Variants in SOHLH1 observed in about 807,000 individuals in gnomAD.
The protein encoded by SOHLH1 is spermatogenesis- and oogenesis-specific basic helix-loop-helix-containing protein 1.
In SOHLH1, 23 loss-of-function variants were observed where a neutral mutation model predicts 36.2. That is an observed-to-expected ratio of 0.64 (90% CI 0.46 to 0.90). The LOEUF (loss-of-function observed/expected upper bound fraction) is 0.90, where lower values mean the gene tolerates loss of function less well. SOHLH1 is among the 40% of genes least tolerant of loss of function. The pLI, the probability that SOHLH1 is intolerant of heterozygous loss-of-function variation, is 0.00. For synonymous variants in SOHLH1, 289 were observed against 228.3 expected (o/e 1.27, Z -2.40); for missense variants, 608 against 517.0 (o/e 1.18, Z -1.71).
At chr9:135,699,490 C>T, upstream of SOHLH1, 1 of 1,608,110 alleles carries the variant, frequency 6.2e-7, no homozygotes, top group East Asian at 2.2e-5. Context: ...GCGGAGCGAC[C>T]CCACGCGCAC....
At position 135,699,413 on chromosome 9, in the gene SOHLH1, T is replaced by C. The variant is rs1564302011; in HGVS notation, c.55A>G (p.Arg19Gly). 1 of 1,611,862 alleles carries C rather than the reference T, an allele frequency of 6.2e-7. No individual in the cohort carries two copies. Among genetic ancestry groups the C allele is most frequent in the Non-Finnish European group, 8.5e-7 (1 of 1,179,664 alleles). The stretch of plus-strand genomic sequence containing the variant: ...AGCCCAATTCCTCACTTGCATCCCC[T>C]GACGGTAGGGATTCTGGAGACCTCC... ...YPEVSRIPTV[R>G]GCNGSLSGAL... Residue 19 changes from arginine to glycine, a missense_variant, in exon 1 of 8, where the codon AGG becomes GGG. Arg to Gly is a moderately radical substitution (Grantham distance 125). Transcript: ENST00000425225.
At chr9:135,697,390 G>A (rs944773048) in intron 4 of SOHLH1, 116 bp downstream of exon 4, 2 of 1,475,152 alleles carry the variant, frequency 1.4e-6, no homozygotes, top group Admixed American at 1.8e-5. Context: ...GTCACCACCT[G>A]CGGAGGCCAA....
At position 135,698,398 on chromosome 9, in the gene SOHLH1, C is replaced by T. The variant is rs148858757; in HGVS notation, c.276G>A (p.Ser92=). The change falls in exon 3 of 8, where the codon TCG becomes TCA. Residue 92 remains serine, a synonymous_variant. Coordinates refer to ENST00000425225, the MANE Select transcript of SOHLH1 (RefSeq NM_001101677.2). ...QFDGRREDMA[S]VLEMSVQFLR... ...GGAACTGCACAGACATCTCCAGGAC[C>T]GAGGCCATGTCCTCCCGCCGGCCAT... The T allele has an allele frequency of 3.7e-6, 6 of 1,613,006 alleles. No homozygotes were observed. The African/African-American group carries it at 5.3e-5, about 14-fold the overall frequency.
At chr9:135,694,487 C>T (rs779902768) in intron 6 of SOHLH1, 30 bp from the exon 7 acceptor site, 15 of 1,610,692 alleles carry the variant, frequency 9.3e-6, no homozygotes, top group Non-Finnish European at 1.2e-5. Context: ...CCTCAGTGGC[C>T]ACAAGCGGAC....
chr9:135,697,335 G>C (rs910941636), intron 4 of SOHLH1, among the ~76,000 whole-genome samples, 171 bp downstream of exon 4: 3 of 152,110 alleles, frequency 2.0e-5, no homozygotes, highest in African/African-American at 7.2e-5. Context: ...CGCCCATGTT[G>C]GTCACCTCAC....
chr9:135,697,368 G>A, intron 4 of SOHLH1, 138 bp downstream of exon 4: 2 of 1,296,456 alleles, frequency 1.5e-6, no homozygotes, highest in Non-Finnish European at 2.1e-6. Flanking sequence ...GAGTTGGCAG[G>A]GCCCTGGGCA....
At chr9:135,701,596 C>G (rs368621625), upstream of SOHLH1, among the ~76,000 whole-genome samples, 2 of 152,218 alleles carry the variant, frequency 1.3e-5, no homozygotes, top group Admixed American at 6.5e-5. Flanking sequence ...CCCCACCCGT[C>G]TAAAGGTGCT....
intron 3 of SOHLH1, among the ~76,000 whole-genome samples, chr9:135,697,911 T>G (rs503539): frequency 0.85 from 128,687 of 151,736 alleles, 55,704 homozygotes; most frequent in East Asian, 0.98. Context: ...ACACAGGTCC[T>G]CAGCCCCAGC....
At chr9:135,699,510 C>G (rs773846580), upstream of SOHLH1, 4 of 1,592,374 alleles carry the variant, frequency 2.5e-6, no homozygotes, top group African/African-American at 4.0e-5. Context: ...CGGCCCCTTC[C>G]GCAGGCAGCC....
chr9:135,700,910 C>G (rs533609835), upstream of SOHLH1, among the ~76,000 whole-genome samples: 1 of 152,248 alleles, frequency 6.6e-6, no homozygotes, highest in East Asian at 1.9e-4. Context: ...TTTTGTTTCC[C>G]TAAAGCCCTC....
rs1365382952 is a variant in SOHLH1 at position 135,698,989 on chromosome 9, A to G, written c.197+6T>C. ...GCCCTCACCCCTGGGAGGCACCACCACTCACCTGCGCTCCCTCTCGCTGAT... is the reference window on the plus strand; with the variant it reads ...GCCCTCACCCCTGGGAGGCACCACCGCTCACCTGCGCTCCCTCTCGCTGAT... On this transcript the variant is annotated splice_donor_region_variant and intron_variant, in intron 2 of 7. Coordinates refer to ENST00000425225, the MANE Select transcript of SOHLH1 (RefSeq NM_001101677.2). The G allele has an allele frequency of 6.2e-7, 1 of 1,610,712 alleles. No individual in the cohort carries two copies. The highest frequency in any genetic ancestry group is 1.7e-5 in the Admixed American group (1 of 59,958).
intron 1 of SOHLH1, 79 bp from the exon 2 acceptor site, chr9:135,699,205 T>G: frequency 6.5e-7 from 1 of 1,545,034 alleles, no homozygotes. Context: ...AGAATGGGCG[T>G]CTTTGGGGTG....
At chr9:135,702,076 C>T (rs1267158232), upstream of SOHLH1, 1 of 552,330 alleles carries the variant, frequency 1.8e-6, no homozygotes, top group Non-Finnish European at 3.1e-6. Flanking sequence ...AGAGCCGCCG[C>T]GGGTCCCGGC....
chr9:135,696,757 T>C lies in SOHLH1; in HGVS notation c.516A>G (p.Pro172=), dbSNP rs1162601273. 1.2e-6 allele frequency: 2 copies of C among 1,613,132 alleles called. No individual in the cohort carries two copies. The highest frequency in any genetic ancestry group is 1.7e-6 in the Non-Finnish European group (2 of 1,180,008). ...AFLESPWSLD[P]ASASPEPVPH... is the part of the protein sequence containing the mutation. ...GCACGGGCTCTGGGCTGGCCGACGC[T>C]GGATCCAGGGACCAAGGACTTTCCA... Residue 172 remains proline (P), a synonymous_variant, in exon 5 of 8, where the codon CCA becomes CCG. Coordinates refer to ENST00000425225, the MANE Select transcript of SOHLH1 (RefSeq NM_001101677.2).
At chr9:135,701,271 A>T (rs1164383964), upstream of SOHLH1, among the ~76,000 whole-genome samples, 6 of 150,600 alleles carry the variant, frequency 4.0e-5, no homozygotes, top group Admixed American at 4.0e-4. Context: ...TGCCTCCTGG[A>T]GAAACAGGGA....
chr9:135,699,421 G>C lies in SOHLH1; in HGVS notation c.47C>G (p.Pro16Arg). The part of the protein sequence containing the change: ...SEPYPEVSRI[P>R]TVRGCNGSLS... ...TCCTCACTTGCATCCCCTGACGGTAGGGATTCTGGAGACCTCCGGGTAGGG... is the reference window on the plus strand; with the variant it reads ...TCCTCACTTGCATCCCCTGACGGTACGGATTCTGGAGACCTCCGGGTAGGG... Residue 16 changes from proline (P) to arginine (R), a missense_variant, in exon 1 of 8, where the codon CCT becomes CGT. Coordinates refer to ENST00000425225, the MANE Select transcript of SOHLH1 (RefSeq NM_001101677.2). 1 of 1,612,258 alleles carries C rather than the reference G, an allele frequency of 6.2e-7. No individual in the cohort carries two copies. The highest frequency in any genetic ancestry group is 1.1e-5 in the South Asian group (1 of 90,928).
At chr9:135,698,250 G>T (rs1002347996) in intron 3 of SOHLH1, 79 bp downstream of exon 3, 1 of 1,590,898 alleles carries the variant, frequency 6.3e-7, no homozygotes, top group African/African-American at 1.3e-5. Context: ...GATGACAGGG[G>T]ACACACTGCC....
At chr9:135,696,549 T>C in intron 5 of SOHLH1, 63 bp downstream of exon 5, 3 of 1,585,952 alleles carry the variant, frequency 1.9e-6, no homozygotes, top group Non-Finnish European at 2.6e-6. Flanking sequence ...TTCTTAGGGC[T>C]AAAGCACAGC....
At chr9:135,695,633 G>A (rs1165077661) in intron 5 of SOHLH1, among the ~76,000 whole-genome samples, 2 of 152,074 alleles carry the variant, frequency 1.3e-5, no homozygotes, top group East Asian at 1.9e-4. Flanking sequence ...CTGGGTTTCC[G>A]GAGTGCCCTG....
Sources: allele counts gnomAD v4.1 joint callset (sites outside exome capture counted in the v4.1 genomes callset), GRCh38; gene constraint gnomAD v4.1.1; transcripts MANE v1.5; gene names NCBI Gene and HGNC (gene_info 2026-07-23, HGNC 2026-07-21).